KIF5C: variants seen among roughly 807,000 people sequenced by gnomAD.
KIF5C encodes the protein kinesin heavy chain isoform 5C.
KIF5C carries 18 observed loss-of-function variants against 125.2 expected under a neutral mutation model. The ratio of observed to expected loss-of-function variants is 0.14; its 90% CI spans 0.10 to 0.21. KIF5C has a LOEUF of 0.21. Among genes scored for constraint, KIF5C ranks in the 10% least tolerant of loss-of-function variants. The probability of loss-of-function intolerance (pLI) is 1.00; values close to 1 mark genes in which losing one functional copy is unlikely to be tolerated. For synonymous variants in KIF5C, 405 were observed against 434.0 expected (o/e 0.93, Z 0.83); for missense variants, 780 against 1,183.8 (o/e 0.66, Z 5.01).
chr2:148,983,864 T>C (rs1205994513), intron 15 of KIF5C, 98 bp downstream of exon 15: 7 of 1,325,986 alleles, frequency 5.3e-6, no homozygotes, highest in Non-Finnish European at 6.8e-6. Flanking sequence ...GCACTGTGCT[T>C]TGCATCTGCC....
intron 8 of KIF5C, chr2:148,947,284 C>T: frequency 2.4e-6 from 1 of 412,858 alleles, no homozygotes; most frequent in South Asian, 3.8e-5. Flanking sequence ...TGATATGAGG[C>T]AACAGTTGGT....
chr2:148,912,705 T>A (rs1157043403), intron 1 of KIF5C, among the ~76,000 whole-genome samples: 1 of 152,224 alleles, frequency 6.6e-6, no homozygotes, highest in Non-Finnish European at 1.5e-5. Flanking sequence ...CACTACGGGC[T>A]CCCAAAGTAC....
At chr2:148,973,654 C>T in intron 12 of KIF5C, 143 bp downstream of exon 12, 1 of 1,225,018 alleles carries the variant, frequency 8.2e-7, no homozygotes, top group African/African-American at 1.5e-5. Context: ...TTTGATGGTG[C>T]AGATTCAGGG....
intron 1 of KIF5C, among the ~76,000 whole-genome samples, chr2:148,891,420 C>T (rs1432571692): frequency 6.6e-6 from 1 of 151,740 alleles, no homozygotes; most frequent in Non-Finnish European, 1.5e-5. Context: ...TTCCTATTCA[C>T]GTCACCTCAA....
chr2:148,895,862 ACACACACACACACC>A (rs969572200), intron 1 of KIF5C, among the ~76,000 whole-genome samples: 9 of 36,668 alleles, frequency 2.5e-4, no homozygotes, highest in South Asian at 7.2e-4. Flanking sequence ...ACACACACAC[ACACACACACACACC>A]CACAGAGATC....
rs550284691 is a variant in KIF5C at position 148,882,303 on chromosome 2, A to G, written c.126+6560A>G. Among the ~76,000 whole-genome samples the G allele has an allele frequency of 1.1e-4, 16 of 152,248 alleles. No individual in the cohort carries two copies. In the South Asian group the frequency reaches 3.3e-3, roughly 32 times the overall value. ...TAAAATAGAGATAACAACACTCTCC[A>G]CTGTCTAGGGCCGTTGTGTGCTAAG... On this transcript the variant is annotated intron_variant, in intron 1 of 25. Transcript: ENST00000435030.
intron 24 of KIF5C, 25 bp downstream of exon 24, chr2:149,010,376 G>A (rs758814108): frequency 1.2e-5 from 18 of 1,519,728 alleles, no homozygotes; most frequent in East Asian, 4.9e-5. Flanking sequence ...AGTGGCGCCC[G>A]GGGTTTGAGA....
intron 17 of KIF5C, among the ~76,000 whole-genome samples, chr2:148,996,797 A>T (rs923007221): frequency 6.6e-6 from 1 of 152,216 alleles, no homozygotes; most frequent in Non-Finnish European, 1.5e-5. Flanking sequence ...TAGAGAATAA[A>T]CGCCTACCCA....
chr2:148,926,076 GC>G (rs1181034564), intron 2 of KIF5C, among the ~76,000 whole-genome samples: 2 of 152,212 alleles, frequency 1.3e-5, no homozygotes, highest in Admixed American at 1.3e-4. Context: ...TCGGTAGGAA[GC>G]CCCATGCCTC....
chr2:149,022,304 G>T (rs1682555301), intron 25 of KIF5C, among the ~76,000 whole-genome samples: 1 of 152,162 alleles, frequency 6.6e-6, no homozygotes, highest in Non-Finnish European at 1.5e-5. Context: ...AGAGAATGTT[G>T]AGACTGTCAG....
intron 1 of KIF5C, among the ~76,000 whole-genome samples, 189 bp downstream of exon 1, chr2:148,875,932 G>T (rs1240629663): frequency 1.3e-5 from 2 of 151,864 alleles, no homozygotes; most frequent in Admixed American, 1.3e-4. Flanking sequence ...GTGGAGAGGC[G>T]GCCGGGAGCG....
intron 12 of KIF5C, 23 bp from the exon 13 acceptor site, chr2:148,978,899 A>AG (rs2105155361): frequency 6.3e-7 from 1 of 1,576,090 alleles, no homozygotes; most frequent in Admixed American, 1.9e-5. Context: ...AACCAAAAAA[A>AG]CAAACATGAT....
intron 25 of KIF5C, 64 bp downstream of exon 25, chr2:149,011,747 C>G: frequency 6.2e-7 from 1 of 1,601,898 alleles, no homozygotes; most frequent in Non-Finnish European, 8.5e-7. Context: ...TTTCCAAAGC[C>G]CCTGCCTGGC....
intron 6 of KIF5C, among the ~76,000 whole-genome samples, chr2:148,942,390 G>T (rs1321047522): frequency 1.3e-5 from 2 of 152,070 alleles, no homozygotes; most frequent in Admixed American, 6.6e-5. Context: ...TTGATTTTCT[G>T]TCTTCTTAAA....
rs1405027878 is a variant in KIF5C at position 148,998,803 on chromosome 2, T to TG, written c.2210+301dup. On this transcript the variant is annotated intron_variant, in intron 19 of 25. Coordinates refer to ENST00000435030, the MANE Select transcript of KIF5C (RefSeq NM_004522.3). ...CTGGATGGACGCATGCCCCAGTAGATGGGGGGGAGCATCTGTAATGAAAGC... is the reference window on the plus strand; with the variant it reads ...CTGGATGGACGCATGCCCCAGTAGATGGGGGGGGAGCATCTGTAATGAAAGC... 515 of 174,802 alleles carry TG rather than the reference T, an allele frequency of 2.9e-3. 1 individual carries two copies. Among genetic ancestry groups the TG allele is most frequent in the Admixed American group, 7.6e-3 (71 of 9,300 alleles). The allele number at this position is 174,802 out of a possible 1,614,324, so 10.8% of individuals were successfully genotyped here. A position where few individuals can be genotyped will look rare whatever the true frequency, so the allele number is the denominator to read the frequency against.
intron 25 of KIF5C, among the ~76,000 whole-genome samples, chr2:149,014,643 A>G (rs1212152072): frequency 6.6e-6 from 1 of 152,238 alleles, no homozygotes; most frequent in African/African-American, 2.4e-5. Flanking sequence ...TGGCATTGAC[A>G]GAAGGCTTAA....
intron 11 of KIF5C, among the ~76,000 whole-genome samples, chr2:148,971,412 G>A (rs1680905720): frequency 6.6e-6 from 1 of 152,128 alleles, no homozygotes; most frequent in Non-Finnish European, 1.5e-5. Flanking sequence ...TTAGCAGACT[G>A]TAGAGAATAT....
At chr2:148,983,906 AAG>A (rs554995002) in intron 15 of KIF5C, 140 bp downstream of exon 15, 5 of 1,210,658 alleles carry the variant, frequency 4.1e-6, no homozygotes, top group Non-Finnish European at 5.2e-6. Flanking sequence ...TGAATGAAAA[AAG>A]GGCTAATTGA....
At chr2:149,021,242 T>C (rs535793456) in intron 25 of KIF5C, among the ~76,000 whole-genome samples, 1 of 152,260 alleles carries the variant, frequency 6.6e-6, no homozygotes, top group African/African-American at 2.4e-5. Flanking sequence ...TTTGTATTTT[T>C]AGTAGAGATG....
Sources: allele counts gnomAD v4.1 joint callset (sites outside exome capture counted in the v4.1 genomes callset), GRCh38; gene constraint gnomAD v4.1.1; transcripts MANE v1.5; gene names NCBI Gene and HGNC (gene_info 2026-07-23, HGNC 2026-07-21).